The following ISM1 variants were observed in gnomAD, a reference collection of about 807,000 sequenced individuals.
The protein encoded by ISM1 is isthmin-1.
A neutral mutation model predicts 46.3 loss-of-function variants in ISM1; 25 were observed. The observed-to-expected ratio is 0.54, with a 90% CI of 0.39 to 0.75. The LOEUF (loss-of-function observed/expected upper bound fraction) is 0.75. Among genes scored for constraint, ISM1 ranks in the 30% least tolerant of loss-of-function variants. ISM1 has a pLI of 0.00. For missense variants in ISM1, 536 were observed against 625.4 expected, an observed-to-expected ratio of 0.86 and a Z score of 1.52; for synonymous variants, 255 against 256.7, an observed-to-expected ratio of 0.99 and a Z score of 0.06.
chr20:13,288,625 T>A lies in ISM1; in HGVS notation c.729T>A (p.Ser243=). ...CGNGNQKRTR[S]CGYACTATES... ...ACGGCAACCAGAAACGGACCCGGTC[T>A]TGTGGCTACGCGTGCACTGCAACAG... The change falls in exon 4 of 6, where the codon TCT becomes TCA. Residue 243 remains serine, a synonymous_variant. Coordinates refer to ENST00000262487, the MANE Select transcript of ISM1 (RefSeq NM_080826.2). The A allele has an allele frequency of 6.2e-7, 1 of 1,614,030 alleles. No individual in the cohort carries two copies. The highest frequency in any genetic ancestry group is 1.6e-4 in the Middle Eastern group (1 of 6,062).
At chr20:13,302,779 A>C (rs904204987), downstream of ISM1, among the ~76,000 whole-genome samples, 1 of 152,206 alleles carries the variant, frequency 6.6e-6, no homozygotes. Context: ...CCTGGGTGCC[A>C]CATCTGAACA....
chr20:13,302,882 G>A (rs979573610), downstream of ISM1, among the ~76,000 whole-genome samples: 3 of 152,080 alleles, frequency 2.0e-5, no homozygotes, highest in African/African-American at 7.2e-5. Context: ...CTTTCTCTTC[G>A]GACCCAGTTC....
At chr20:13,271,365 A>C (rs1038900144) in intron 2 of ISM1, among the ~76,000 whole-genome samples, 1 of 152,240 alleles carries the variant, frequency 6.6e-6, no homozygotes, top group African/African-American at 2.4e-5. Flanking sequence ...CTGATGAAGC[A>C]GTGGGAAATG....
At chr20:13,309,300 C>A in the ISM1 span, among the ~76,000 whole-genome samples, 1 of 151,132 alleles carries the variant, frequency 6.6e-6, no homozygotes, top group African/African-American at 2.4e-5. Flanking sequence ...AAAAAAAAGC[C>A]TAACAGAATA....
chr20:13,221,700 C>T lies in ISM1; in HGVS notation c.-77C>T. 1 of 1,250,008 alleles carries T rather than the reference C, an allele frequency of 8.0e-7. No homozygotes were observed. The highest frequency in any genetic ancestry group is 1.0e-6 in the Non-Finnish European group (1 of 987,618). The allele number at this position is 1,250,008 out of a possible 1,614,324, so 77.4% of individuals were successfully genotyped here. ...GCCGCGCTGCCGGGCTCCCGGGCTC[C>T]TACTCCTCCTCCCCCGGCGTCACCG... On this transcript the variant is annotated 5_prime_UTR_variant, in exon 1 of 6. Transcript: ENST00000262487.
chr20:13,299,228 C>T lies in ISM1; in HGVS notation c.1164C>T (p.Gly388=). 2 of 1,600,772 alleles carry T rather than the reference C, an allele frequency of 1.2e-6. No individual in the cohort carries two copies. Among genetic ancestry groups the T allele is most frequent in the Non-Finnish European group, 8.5e-7 (1 of 1,173,624 alleles). Residue 388 remains glycine (G), a synonymous_variant, in exon 6 of 6, where the codon GGC becomes GGT. Transcript: ENST00000262487. This position sits in a 1 kb window ranked among gnomAD's most constrained non-coding sequence, Gnocchi z 5.8. ...TTLAAQHCCY[G]DNMQLITRGK... ...TGGCGGCACAGCACTGCTGCTACGG[C>T]GACAACATGCAGCTCATCACCAGGG...
At chr20:13,302,407 A>C (rs1037894215), downstream of ISM1, among the ~76,000 whole-genome samples, 2 of 152,290 alleles carry the variant, frequency 1.3e-5, no homozygotes, top group East Asian at 1.9e-4. Context: ...TTTCAGTCCC[A>C]ATGCTTTAGT....
intron 1 of ISM1, among the ~76,000 whole-genome samples, chr20:13,244,705 A>G (rs944524278): frequency 6.6e-6 from 1 of 152,170 alleles, no homozygotes; most frequent in African/African-American, 2.4e-5. Flanking sequence ...TTTTGACCAC[A>G]TTTTCTATTG....
rs771157175 is a variant in ISM1 at position 13,299,128 on chromosome 20, A to C, written c.1064A>C (p.Lys355Thr). The C allele has an allele frequency of 6.2e-7, 1 of 1,612,948 alleles. No individual in the cohort carries two copies. The highest frequency in any genetic ancestry group is 1.7e-5 in the Admixed American group (1 of 59,888). Reference sequence around the variant, plus strand: ...CGCTGGAAGGACGCCAGCGGGCCCAAGGAGAAGCTGGAGATCTACAAGCCC... The same window carrying C: ...CGCTGGAAGGACGCCAGCGGGCCCACGGAGAAGCTGGAGATCTACAAGCCC... Reference protein sequence around the residue: ...DFRWKDASGPKEKLEIYKPTA... With the variant: ...DFRWKDASGPTEKLEIYKPTA... The change falls in exon 6 of 6, where the codon AAG becomes ACG. Residue 355 changes from lysine (K) to threonine (T), a missense_variant. By Grantham distance (78) the Lys-to-Thr change is moderately conservative (BLOSUM62 -1). This residue lies in a region of ISM1 where 169 missense variants were observed against 249.3 expected (regional missense o/e 0.68). Transcript: ENST00000262487. The surrounding 1 kb of genome is among the most constrained non-coding windows in gnomAD (Gnocchi z 5.8).
At position 13,279,943 on chromosome 20, in the gene ISM1, C is replaced by T. The variant is rs200498970; in HGVS notation, c.643+45C>T. On this transcript the variant is annotated intron_variant, in intron 3 of 5. Transcript: ENST00000262487. ...ATATAAAATTGGTGGGAAGAATAAACGAGGATGATGCCTTGGACATGGAGC... is the reference window on the plus strand; with the variant it reads ...ATATAAAATTGGTGGGAAGAATAAATGAGGATGATGCCTTGGACATGGAGC... The T allele has an allele frequency of 2.3e-4, 354 of 1,570,106 alleles. 1 individual carries two copies. The highest frequency in any genetic ancestry group is 1.7e-3 in the Middle Eastern group (10 of 5,964).
At chr20:13,312,835 C>A in the ISM1 span, among the ~76,000 whole-genome samples, 1 of 152,138 alleles carries the variant, frequency 6.6e-6, no homozygotes, top group Non-Finnish European at 1.5e-5. Context: ...AGAGTAGATC[C>A]GTATTTAAAC....
chr20:13,237,866 A>G (rs1036787024), intron 1 of ISM1: 1 of 152,154 alleles, frequency 6.6e-6, no homozygotes, highest in African/African-American at 2.4e-5. Flanking sequence ...CCAAATTAGA[A>G]TGAATGCAGG....
At chr20:13,301,470 T>C (rs111875147), downstream of ISM1, among the ~76,000 whole-genome samples, 704 of 152,292 alleles carry the variant, frequency 4.6e-3, 4 homozygotes, top group African/African-American at 0.016. Context: ...ATTACAAGCA[T>C]GAAACACCAT....
At chr20:13,228,395 C>A (rs2039552686) in intron 1 of ISM1, among the ~76,000 whole-genome samples, 1 of 152,136 alleles carries the variant, frequency 6.6e-6, no homozygotes, top group Non-Finnish European at 1.5e-5. Context: ...TTAGACATAT[C>A]TTTATTTGAT....
chr20:13,280,702 G>C (rs1444495190), intron 3 of ISM1, among the ~76,000 whole-genome samples: 1 of 152,190 alleles, frequency 6.6e-6, no homozygotes, highest in African/African-American at 2.4e-5. Flanking sequence ...CCCTCAGCCT[G>C]GAGGTGACAC....
chr20:13,296,878 C>T (rs962585859), intron 5 of ISM1, among the ~76,000 whole-genome samples: 10 of 152,092 alleles, frequency 6.6e-5, no homozygotes, highest in Non-Finnish European at 1.2e-4. Flanking sequence ...ATTAGTCGGG[C>T]AGAGTGGCAG....
the ISM1 span, among the ~76,000 whole-genome samples, chr20:13,318,824 C>G: frequency 6.6e-6 from 1 of 152,010 alleles, no homozygotes; most frequent in African/African-American, 2.4e-5. Context: ...CTAGAAAAGG[C>G]AAAACTATGA....
the ISM1 span, among the ~76,000 whole-genome samples, chr20:13,325,727 T>C: frequency 6.6e-6 from 1 of 152,226 alleles, no homozygotes; most frequent in African/African-American, 2.4e-5. Context: ...TTTGATAAAC[T>C]AGGTTCATCC....
At chr20:13,317,935 G>A in the ISM1 span, among the ~76,000 whole-genome samples, 5 of 151,532 alleles carry the variant, frequency 3.3e-5, no homozygotes, top group Admixed American at 6.6e-5. Context: ...AAAAAAAAGT[G>A]TTGGTAAGCT....
Sources: gnomAD v4.1 joint callset for allele counts (sites outside exome capture counted in the v4.1 genomes callset) on GRCh38, gnomAD v4.1.1 for gene constraint, gnomAD v4.1.1 regional missense constraint, Gnocchi (gnomAD v3.1) non-coding constraint, MANE v1.5 for transcripts, NCBI Gene and HGNC (gene_info 2026-07-23, HGNC 2026-07-21) for gene names.